The following NPAS3 variants were observed in gnomAD, a reference collection of about 807,000 sequenced individuals.
NPAS3 encodes neuronal PAS domain protein 3, also known as neuronal PAS domain-containing protein 3.
A neutral mutation model predicts 73.1 loss-of-function variants in NPAS3; 14 were observed. That is an observed-to-expected ratio of 0.19 (90% CI 0.13 to 0.30). NPAS3 has a LOEUF of 0.30. Among genes scored for constraint, NPAS3 ranks in the 10% least tolerant of loss-of-function variants. NPAS3 has a pLI of 1.00. For synonymous variants in NPAS3, 620 were observed against 541.5 expected (o/e 1.14, Z -2.01); for missense variants, 1,096 against 1,250.0 (o/e 0.88, Z 1.86).
chr14:33,170,359 A>G (rs2045344470), intron 2 of NPAS3, among the ~76,000 whole-genome samples: 1 of 152,230 alleles, frequency 6.6e-6, no homozygotes, highest in African/African-American at 2.4e-5. Flanking sequence ...TCAGGGAACC[A>G]TAATCTTTTG....
intron 4 of NPAS3, among the ~76,000 whole-genome samples, chr14:33,480,991 A>T (rs1022644126): frequency 6.6e-6 from 1 of 152,064 alleles, no homozygotes; most frequent in Non-Finnish European, 1.5e-5. Context: ...GGCCATCTAG[A>T]GCCTCATGCG....
chr14:33,720,213 T>G (rs1213879719), intron 6 of NPAS3, among the ~76,000 whole-genome samples: 1 of 152,200 alleles, frequency 6.6e-6, no homozygotes, highest in Non-Finnish European at 1.5e-5. Flanking sequence ...GGCATTCTCA[T>G]AAAGCAAACA....
At chr14:33,090,124 A>G (rs1437919834) in intron 2 of NPAS3, among the ~76,000 whole-genome samples, 1 of 152,232 alleles carries the variant, frequency 6.6e-6, no homozygotes, top group Non-Finnish European at 1.5e-5. Flanking sequence ...CATCACAATG[A>G]CAGGATCAGG....
At chr14:33,077,946 T>C (rs56241733) in intron 2 of NPAS3, among the ~76,000 whole-genome samples, 19,438 of 151,826 alleles carry the variant, frequency 0.13, 1,483 homozygotes, top group African/African-American at 0.22. Flanking sequence ...GAGACCAGCC[T>C]GGGCAACATG....
chr14:33,420,998 C>G (rs2139027158), intron 4 of NPAS3, among the ~76,000 whole-genome samples: 1 of 151,886 alleles, frequency 6.6e-6, no homozygotes, highest in East Asian at 1.9e-4. Flanking sequence ...CTCTGTGTAG[C>G]CAAGTGCTGT....
intron 3 of NPAS3, among the ~76,000 whole-genome samples, chr14:33,316,979 C>A (rs992546463): frequency 6.6e-6 from 1 of 152,028 alleles, no homozygotes; most frequent in African/African-American, 2.4e-5. Flanking sequence ...TTCTAAAGTT[C>A]CTTCTAAAAT....
intron 5 of NPAS3, among the ~76,000 whole-genome samples, chr14:33,572,054 C>A (rs1327359737): frequency 6.6e-6 from 1 of 152,118 alleles, no homozygotes; most frequent in African/African-American, 2.4e-5. Context: ...TTTATTGACT[C>A]TAGACACTTA....
rs187054414 is a variant in NPAS3, at chr14:33,508,238, A to G, written c.469-51883A>G. Among the ~76,000 whole-genome samples the G allele has an allele frequency of 1.2e-3, 183 of 152,222 alleles. 1 individual carries two copies. The highest frequency in any genetic ancestry group is 4.0e-3 in the African/African-American group (167 of 41,558). On this transcript the variant is annotated intron_variant, in intron 4 of 11. Coordinates refer to ENST00000356141, the Ensembl canonical transcript of NPAS3. ...TTGCTTGGGCAAAGGAGCCAACTGC[A>G]CACACACTGCTTGCTGTTTAATTCA...
chr14:33,108,963 A>C (rs1209693366), intron 2 of NPAS3, among the ~76,000 whole-genome samples: 2 of 152,054 alleles, frequency 1.3e-5, no homozygotes, highest in Admixed American at 1.3e-4. Flanking sequence ...TTAGAGTAAA[A>C]CTTATACTGT....
At chr14:33,303,384 C>A (rs10140335) in intron 3 of NPAS3, among the ~76,000 whole-genome samples, 16,333 of 151,650 alleles carry the variant, frequency 0.11, 1,707 homozygotes, top group African/African-American at 0.26. Flanking sequence ...ATACTAATAT[C>A]AATTATTATA....
intron 4 of NPAS3, among the ~76,000 whole-genome samples, chr14:33,498,210 G>A (rs920073140): frequency 6.6e-6 from 1 of 152,160 alleles, no homozygotes; most frequent in Non-Finnish European, 1.5e-5. Context: ...TGGAGAGGAT[G>A]TGGAGAAATA....
chr14:33,024,155 T>C (rs1313730471), intron 1 of NPAS3, among the ~76,000 whole-genome samples: 2 of 146,764 alleles, frequency 1.4e-5, no homozygotes, highest in Non-Finnish European at 2.9e-5. Context: ...TGTGTGTGTG[T>C]GTGTGTGTGT....
At chr14:32,934,944 C>T, upstream of NPAS3, 1 of 1,231,626 alleles carries the variant, frequency 8.1e-7, no homozygotes, top group East Asian at 4.0e-5. This position sits in a 1 kb window ranked among gnomAD's most constrained non-coding sequence, Gnocchi z 4.1. Context: ...TGGGGAGGGC[C>T]GGCGCCGCGG....
At chr14:33,284,001 C>T (rs2041749475) in intron 3 of NPAS3, among the ~76,000 whole-genome samples, 1 of 152,140 alleles carries the variant, frequency 6.6e-6, no homozygotes, top group South Asian at 2.1e-4. Context: ...TGTTTATCTT[C>T]CTCTTAATTC....
In NPAS3 at chr14:33,121,410, GTTTA is replaced by G. The variant is rs1270366679; in HGVS notation, c.140+65425_140+65428del. 3.3e-5 allele frequency among the ~76,000 whole-genome samples: 5 copies of G among 152,100 alleles called. No homozygotes were observed. In the East Asian group the frequency reaches 7.8e-4, roughly 24 times the overall value. On this transcript the variant is annotated intron_variant, in intron 2 of 11. Coordinates refer to ENST00000356141, the Ensembl canonical transcript of NPAS3. ...CATGGCACTCATGACACTATATTTT[GTTTA>G]TTTATTTAGGAGTCTGACTCCCCCA... is the stretch of plus-strand genomic sequence containing the variant.
intron 2 of NPAS3, among the ~76,000 whole-genome samples, chr14:33,083,850 TC>T (rs2041939725): frequency 6.6e-6 from 1 of 152,130 alleles, no homozygotes. Context: ...TACCTCTCTA[TC>T]CACAGTAATT....
At chr14:33,774,297 T>C (rs760033483) in intron 7 of NPAS3, 40 bp from the exon 8 acceptor site, 3 of 1,530,776 alleles carry the variant, frequency 2.0e-6, no homozygotes, top group Non-Finnish European at 2.7e-6. Flanking sequence ...ATCTGGGATG[T>C]AAATTTGACT....
intron 5 of NPAS3, among the ~76,000 whole-genome samples, chr14:33,573,176 CAAT>C (rs1357967041): frequency 6.6e-6 from 1 of 152,002 alleles, no homozygotes; most frequent in Non-Finnish European, 1.5e-5. Flanking sequence ...GCCAAGTAAT[CAAT>C]AAAACAGGTC....
intron 1 of NPAS3, among the ~76,000 whole-genome samples, chr14:33,028,860 A>G (rs1414552651): frequency 6.6e-6 from 1 of 152,182 alleles, no homozygotes. Flanking sequence ...GTATATGTGT[A>G]GGATGCGCAG....
Sources: gnomAD v4.1 joint callset for allele counts (sites outside exome capture counted in the v4.1 genomes callset) on GRCh38, gnomAD v4.1.1 for gene constraint, Gnocchi (gnomAD v3.1) non-coding constraint, MANE v1.5 for transcripts, NCBI Gene and HGNC (gene_info 2026-07-23, HGNC 2026-07-21) for gene names.